The following DHRSX variants were observed in gnomAD, a reference collection of about 807,000 sequenced individuals.
The protein encoded by DHRSX is dehydrogenase/reductase X-linked, also known as polyprenol dehydrogenase.
Under a neutral mutation model 34.0 loss-of-function variants are expected in DHRSX, and 31 were observed. The ratio of observed to expected loss-of-function variants is 0.91; its 90% confidence interval spans 0.69 to 1.23. The LOEUF (loss-of-function observed/expected upper bound fraction) is 1.23. Ranked by LOEUF, DHRSX falls within the 50% of genes most tolerant of loss-of-function variation. DHRSX has a pLI of 0.00. For synonymous variants in DHRSX, 201 were observed against 183.8 expected (o/e 1.09, Z -0.76); for missense variants, 414 against 428.1 (o/e 0.97, Z 0.29).
At chrX:2,475,840 A>G (rs1291028341) in intron 1 of DHRSX, among the ~76,000 whole-genome samples, 2 of 152,138 alleles carry the variant, frequency 1.3e-5, no homozygotes, top group Admixed American at 6.6e-5. Flanking sequence ...TCTTCAGGGC[A>G]CCTCCATGAC....
At chrX:2,249,485 G>A (rs1015037738) in intron 5 of DHRSX, among the ~76,000 whole-genome samples, 3 of 138,262 alleles carry the variant, frequency 2.2e-5, no homozygotes, top group Admixed American at 7.4e-5. Flanking sequence ...GACGTGATGT[G>A]AGCCACCACG....
intron 3 of DHRSX, among the ~76,000 whole-genome samples, chrX:2,330,821 AAAG>A (rs1175762887): frequency 2.0e-4 from 30 of 152,124 alleles, no homozygotes; most frequent in Admixed American, 3.3e-4. Flanking sequence ...AGAATAAATG[AAAG>A]AAGAGAGAGA....
intron 4 of DHRSX, among the ~76,000 whole-genome samples, chrX:2,284,228 A>C (rs1309345250): frequency 6.6e-6 from 1 of 151,998 alleles, no homozygotes; most frequent in Non-Finnish European, 1.5e-5. Flanking sequence ...GTTCCTTTGA[A>C]TTCATTTGTT....
intron 1 of DHRSX, chrX:2,489,497 GC>G: frequency 6.2e-7 from 1 of 1,613,482 alleles, no homozygotes; most frequent in South Asian, 1.1e-5. Flanking sequence ...CAGCATCTCG[GC>G]CACCTGCTTG....
At chrX:2,262,154 AG>A (rs2041371922) in intron 5 of DHRSX, among the ~76,000 whole-genome samples, 1 of 152,206 alleles carries the variant, frequency 6.6e-6, no homozygotes, top group Non-Finnish European at 1.5e-5. Flanking sequence ...CAGTCATGGC[AG>A]GGCTGTTCTT....
chrX:2,316,279 G>A (rs1317994556), intron 3 of DHRSX, among the ~76,000 whole-genome samples: 8 of 152,040 alleles, frequency 5.3e-5, no homozygotes, highest in Non-Finnish European at 2.9e-5. Flanking sequence ...GGCCGGCTGC[G>A]GTGGCTCACG....
chrX:2,471,736 G>A (rs28604293), intron 1 of DHRSX, among the ~76,000 whole-genome samples: 31,361 of 151,098 alleles, frequency 0.21, 4,523 homozygotes, highest in African/African-American at 0.4. Flanking sequence ...CCTCCAGTAG[G>A]AAGCATTCAG....
At chrX:2,366,467 A>G (rs2042995565) in intron 3 of DHRSX, among the ~76,000 whole-genome samples, 1 of 152,110 alleles carries the variant, frequency 6.6e-6, no homozygotes, top group Admixed American at 6.5e-5. Flanking sequence ...GAAAAGAAAA[A>G]GAAAATAGTT....
At chrX:2,455,064 A>T (rs1487417119) in intron 1 of DHRSX, among the ~76,000 whole-genome samples, 3 of 151,542 alleles carry the variant, frequency 2.0e-5, no homozygotes, top group Non-Finnish European at 4.4e-5. Flanking sequence ...GTGAGTCAAG[A>T]TCACACAATT....
chrX:2,425,192 A>G lies in DHRSX; in HGVS notation c.217+5T>C. ...AAAAACACAAGTAACTGTAAAAGTC[A>G]TCACCTATGATAACATGCATGCCAA... On this transcript the variant is annotated splice_donor_5th_base_variant and intron_variant, in intron 2 of 6. Transcript: ENST00000334651. 1.9e-6 allele frequency: 3 copies of G among 1,603,154 alleles called. No homozygotes were observed. Among genetic ancestry groups the G allele is most frequent in the Non-Finnish European group, 2.6e-6 (3 of 1,174,740 alleles).
intron 1 of DHRSX, among the ~76,000 whole-genome samples, chrX:2,425,940 C>T (rs890140901): frequency 3.9e-5 from 6 of 152,084 alleles, no homozygotes; most frequent in Non-Finnish European, 7.4e-5. Flanking sequence ...TTTCAGCAGG[C>T]TCTGGGGCAT....
At chrX:2,386,646 AAGAC>A (rs1039680918) in intron 3 of DHRSX, among the ~76,000 whole-genome samples, 15 of 152,344 alleles carry the variant, frequency 9.8e-5, no homozygotes, top group African/African-American at 3.4e-4. Flanking sequence ...TTTTTGCAAT[AAGAC>A]AGCCTTTCAT....
chrX:2,432,051 C>T (rs370445842), intron 1 of DHRSX, among the ~76,000 whole-genome samples: 12 of 152,042 alleles, frequency 7.9e-5, no homozygotes, highest in East Asian at 3.9e-4. Flanking sequence ...TTTAGCTGGG[C>T]GTGGTGGTGT....
intron 4 of DHRSX, among the ~76,000 whole-genome samples, chrX:2,269,410 C>T (rs2041519211): frequency 6.6e-6 from 1 of 152,054 alleles, no homozygotes; most frequent in Admixed American, 6.5e-5. Context: ...GAGATATCTA[C>T]ACATATATAG....
intron 5 of DHRSX, among the ~76,000 whole-genome samples, chrX:2,263,548 T>C (rs1478171897): frequency 2.7e-5 from 4 of 150,480 alleles, no homozygotes; most frequent in African/African-American, 7.3e-5. Flanking sequence ...AATTTTGCTG[T>C]TGTTACTCCG....
At chrX:2,231,951 T>C (rs761256990) in intron 6 of DHRSX, among the ~76,000 whole-genome samples, 52 of 112,344 alleles carry the variant, frequency 4.6e-4, no homozygotes, top group African/African-American at 1.4e-3. Flanking sequence ...CTCTCCTCCT[T>C]CTCTTTTCTT....
At chrX:2,381,797 C>CAAA (rs767319246) in intron 3 of DHRSX, among the ~76,000 whole-genome samples, 69 of 81,582 alleles carry the variant, frequency 8.5e-4, no homozygotes, top group East Asian at 2.4e-3. Context: ...AAGCCACAAC[C>CAAA]AAAAAAAAAA....
chrX:2,358,350 C>T (rs1288296225), intron 3 of DHRSX, among the ~76,000 whole-genome samples: 2 of 152,148 alleles, frequency 1.3e-5, no homozygotes, highest in Admixed American at 1.3e-4. Flanking sequence ...ATTGAAAGCA[C>T]ACCCTTTGCC....
chrX:2,224,732 G>A lies in DHRSX; in HGVS notation c.805-3503C>T, dbSNP rs184639099. On this transcript the variant is annotated intron_variant, in intron 6 of 6. Transcript: ENST00000334651. The stretch of plus-strand genomic sequence containing the variant: ...TGGACACACACATACTCATGCATAC[G>A]CACACACACATGCACACTTACTTGC... Among the ~76,000 whole-genome samples, 79 of 151,908 alleles carry A rather than the reference G, an allele frequency of 5.2e-4. 2 individuals are homozygous for A. The highest frequency in any genetic ancestry group is 1.4e-4 in the African/African-American group (6 of 41,422).
Sources: gnomAD v4.1 joint callset for allele counts (sites outside exome capture counted in the v4.1 genomes callset) on GRCh38, gnomAD v4.1.1 for gene constraint, MANE v1.5 for transcripts, NCBI Gene and HGNC (gene_info 2026-07-23, HGNC 2026-07-21) for gene names.